MTF2: variants seen among roughly 807,000 people sequenced by gnomAD.
MTF2 encodes metal-response element-binding transcription factor 2.
MTF2 carries 11 observed loss-of-function variants against 79.5 expected under a neutral mutation model. The observed-to-expected ratio is 0.14, with a 90% confidence interval of 0.09 to 0.23. MTF2 has a LOEUF of 0.23. MTF2 is among the 10% of genes least tolerant of loss of function. MTF2 has a pLI of 1.00. For missense variants in MTF2, 486 were observed against 711.2 expected, an observed-to-expected ratio of 0.68 and a Z score of 3.60; for synonymous variants, 208 against 232.8, an observed-to-expected ratio of 0.89 and a Z score of 0.97.
chr1:93,124,013 GATA>G (rs945267472), intron 9 of MTF2, among the ~76,000 whole-genome samples: 9 of 151,838 alleles, frequency 5.9e-5, no homozygotes, highest in African/African-American at 2.2e-4. Flanking sequence ...CACTTTTGGA[GATA>G]ATATCCTGTC....
At chr1:93,112,742 A>G (rs946488574) in intron 3 of MTF2, among the ~76,000 whole-genome samples, 3 of 152,214 alleles carry the variant, frequency 2.0e-5, no homozygotes, top group Non-Finnish European at 4.4e-5. Flanking sequence ...ATTTAGAGTA[A>G]AGGAGACTAT....
intron 3 of MTF2, among the ~76,000 whole-genome samples, chr1:93,114,393 C>T (rs1244309896): frequency 6.6e-6 from 1 of 152,220 alleles, no homozygotes; most frequent in African/African-American, 2.4e-5. Context: ...TCATCTCCAC[C>T]TTCACCTTTA....
Position 93,110,278 on chromosome 1 carries a change from A to C in MTF2, c.54A>C (p.Leu18Phe). 6.2e-7 allele frequency: 1 copy of C among 1,614,092 alleles called. No homozygotes were observed. The highest frequency in any genetic ancestry group is 2.2e-5 in the East Asian group (1 of 44,872). The part of the protein sequence containing the change: ...GNSLVHKRSP[L>F]RRNQKTPTSL... ...CACTGGTCCACAAGCGGTCTCCTTT[A>C]CGTCGAAACCAAAAGACCCCAACAT... is the stretch of plus-strand genomic sequence containing the variant. Residue 18 changes from leucine (L) to phenylalanine (F), a missense_variant, in exon 2 of 15, where the codon TTA (leucine) becomes TTC (phenylalanine). Transcript: ENST00000370298.
In MTF2 at chr1:93,138,467, C is replaced by T. The variant is rs1012822520; in HGVS notation, c.*1440C>T. 1 of 152,112 alleles carries T rather than the reference C, an allele frequency of 6.6e-6. No homozygotes were observed. Among genetic ancestry groups the T allele is most frequent in the Non-Finnish European group, 1.5e-5 (1 of 68,004 alleles). The allele number at this position is 152,112 out of a possible 1,614,324, so 9.4% of individuals were successfully genotyped here. ...AAATGTGGGTTAGTACTTATTTATTCCATTAATTGATTATTTGACTGTTTA... is the reference window on the plus strand; with the variant it reads ...AAATGTGGGTTAGTACTTATTTATTTCATTAATTGATTATTTGACTGTTTA... On this transcript the variant is annotated 3_prime_UTR_variant, in exon 15 of 15. Transcript: ENST00000370298.
rs1364058019 is a variant in MTF2, at chr1:93,110,380, C to T, written c.156C>T (p.Val52=). The T allele has an allele frequency of 1.2e-6, 2 of 1,614,142 alleles. No individual in the cohort carries two copies. Among genetic ancestry groups the T allele is most frequent in the Non-Finnish European group, 1.7e-6 (2 of 1,180,034 alleles). Residue 52 remains valine, a synonymous_variant, in exon 2 of 15, where the codon GTC becomes GTT. Transcript: ENST00000370298. ...GTAAATTTGAAGAGGGTCAGGATGT[C>T]CTAGCTAGATGGTCAGATGGCTTGT... The part of the protein sequence containing the change: ...PACKFEEGQD[V]LARWSDGLFY...
At chr1:93,091,229 ATAC>A (rs143719189) in intron 1 of MTF2, among the ~76,000 whole-genome samples, 2,011 of 152,288 alleles carry the variant, frequency 0.013, 20 homozygotes, top group Non-Finnish European at 0.018. Flanking sequence ...TACATCTGGT[ATAC>A]TACTACTTAG....
chr1:93,133,709 A>C lies in MTF2; in HGVS notation c.1167A>C (p.Val389=). 1 of 1,608,076 alleles carries C rather than the reference A, an allele frequency of 6.2e-7. No homozygotes were observed. Residue 389 remains valine (V), a synonymous_variant, in exon 12 of 15, where the codon GTA becomes GTC. Transcript: ENST00000370298. ...TAATGGTTTTCCATTTCAGGGAAGT[A>C]AGCAATGGCATAGAAAAAAAAGGAA... The part of the protein sequence containing the change: ...ASKPISDSRE[V]SNGIEKKGKK...
chr1:93,085,933 A>AC (rs1654817561), intron 1 of MTF2, among the ~76,000 whole-genome samples: 1 of 152,168 alleles, frequency 6.6e-6, no homozygotes, highest in Non-Finnish European at 1.5e-5. Context: ...AACCAGTAAC[A>AC]CAGTCGTTTG....
At chr1:93,109,543 C>T (rs148940119) in intron 1 of MTF2, among the ~76,000 whole-genome samples, 8,226 of 152,196 alleles carry the variant, frequency 0.054, 314 homozygotes, top group South Asian at 0.12. Context: ...CCATGTTGGC[C>T]AGGCTGGTCT....
intron 1 of MTF2, among the ~76,000 whole-genome samples, chr1:93,102,039 G>A (rs1655568844): frequency 6.6e-6 from 1 of 152,188 alleles, no homozygotes; most frequent in Non-Finnish European, 1.5e-5. Context: ...AGGAGAGGCA[G>A]TTTGAATCTG....
At chr1:93,102,017 G>T (rs1287581323) in intron 1 of MTF2, among the ~76,000 whole-genome samples, 1 of 152,054 alleles carries the variant, frequency 6.6e-6, no homozygotes, top group Non-Finnish European at 1.5e-5. Flanking sequence ...CTCAATCCCT[G>T]GCTGCTTAAT....
intron 1 of MTF2, among the ~76,000 whole-genome samples, chr1:93,105,148 A>AAT (rs1472661824): frequency 2.4e-4 from 35 of 147,084 alleles, no homozygotes; most frequent in African/African-American, 7.8e-4. Flanking sequence ...CGTCTCAAAA[A>AAT]AAAAAAAAAA....
At chr1:93,088,161 C>T (rs1022234281) in intron 1 of MTF2, among the ~76,000 whole-genome samples, 2 of 152,096 alleles carry the variant, frequency 1.3e-5, no homozygotes, top group African/African-American at 4.8e-5. Flanking sequence ...ATTATAATGA[C>T]AACGCTGAAC....
chr1:93,098,865 C>G (rs1219596784), intron 1 of MTF2, among the ~76,000 whole-genome samples: 1 of 152,130 alleles, frequency 6.6e-6, no homozygotes, highest in East Asian at 1.9e-4. Context: ...TGTGTTTCTT[C>G]TCAGTGTTGC....
intron 3 of MTF2, among the ~76,000 whole-genome samples, chr1:93,112,470 T>C (rs1157189076): frequency 6.6e-6 from 1 of 152,222 alleles, no homozygotes; most frequent in Non-Finnish European, 1.5e-5. Flanking sequence ...TTTTGAATCT[T>C]AGCATCTAAT....
rs142414154 is a variant in MTF2 at position 93,080,636 on chromosome 1, T to C, written c.5+1105T>C. Reference sequence around the variant, plus strand: ...ATATGTAAATAGTACCTGATTTAATTTGACTTCAGAACCTCCGGTAGTAAT... The same window carrying C: ...ATATGTAAATAGTACCTGATTTAATCTGACTTCAGAACCTCCGGTAGTAAT... On this transcript the variant is annotated intron_variant, in intron 1 of 14. Coordinates refer to ENST00000370298, the MANE Select transcript of MTF2 (RefSeq NM_007358.4). Among the ~76,000 whole-genome samples the C allele has an allele frequency of 2.9e-3, 449 of 152,312 alleles. 2 individuals are homozygous for C. Among genetic ancestry groups the C allele is most frequent in the African/African-American group, 1.0e-2 (414 of 41,572 alleles).
intron 2 of MTF2, 22 bp from the exon 3 acceptor site, chr1:93,110,523 T>G: frequency 6.2e-7 from 1 of 1,603,946 alleles, no homozygotes; most frequent in Non-Finnish European, 8.5e-7. Context: ...AGATCACCGT[T>G]AAGTATTTCT....
chr1:93,109,936 A>G (rs1655963596), intron 1 of MTF2, among the ~76,000 whole-genome samples: 1 of 152,200 alleles, frequency 6.6e-6, no homozygotes, highest in African/African-American at 2.4e-5. Context: ...CATGGCCTGC[A>G]TACCTCAACA....
At chr1:93,099,479 G>A (rs1655439895) in intron 1 of MTF2, among the ~76,000 whole-genome samples, 2 of 152,178 alleles carry the variant, frequency 1.3e-5, no homozygotes, top group African/African-American at 4.8e-5. Flanking sequence ...AGTCAGAGTG[G>A]CATCAGATTT....
Sources: gnomAD v4.1 joint callset for allele counts (sites outside exome capture counted in the v4.1 genomes callset) on GRCh38, gnomAD v4.1.1 for gene constraint, MANE v1.5 for transcripts, NCBI Gene and HGNC (gene_info 2026-07-23, HGNC 2026-07-21) for gene names.